ANGPT2: variants seen among roughly 807,000 people sequenced by gnomAD.
The protein encoded by ANGPT2 is angiopoietin 2.
ANGPT2 carries 28 observed loss-of-function variants against 62.9 expected under a neutral mutation model. The ratio of observed to expected loss-of-function variants is 0.44; its 90% confidence interval spans 0.33 to 0.61. The LOEUF (loss-of-function observed/expected upper bound fraction) is 0.61. ANGPT2 is among the 20% of genes least tolerant of loss of function. The pLI is 0.03. For missense variants in ANGPT2, 727 were observed against 594.9 expected (o/e 1.22, Z -2.31); for synonymous variants, 284 against 207.8 (o/e 1.37, Z -3.15).
intron 1 of ANGPT2, among the ~76,000 whole-genome samples, chr8:6,533,341 G>A (rs1819887823): frequency 6.6e-6 from 1 of 152,220 alleles, no homozygotes; most frequent in Non-Finnish European, 1.5e-5. Flanking sequence ...ATGTATAACT[G>A]CAAGACAACT....
intron 1 of ANGPT2, among the ~76,000 whole-genome samples, chr8:6,542,085 T>A (rs957182788): frequency 6.6e-6 from 1 of 152,002 alleles, no homozygotes; most frequent in South Asian, 2.1e-4. Flanking sequence ...AGGAATGAGA[T>A]TGATGCATTT....
chr8:6,545,749 G>C (rs1029602464), intron 1 of ANGPT2, among the ~76,000 whole-genome samples: 2 of 152,226 alleles, frequency 1.3e-5, no homozygotes, highest in African/African-American at 4.8e-5. Context: ...TTGGATTTCA[G>C]TGGCTTCAAG....
At chr8:6,531,562 A>G (rs2442603) in intron 2 of ANGPT2, among the ~76,000 whole-genome samples, 29,288 of 152,088 alleles carry the variant, frequency 0.19, 3,767 homozygotes, top group African/African-American at 0.37. Flanking sequence ...AAAGTGCTGG[A>G]ATTACAGGCG....
At chr8:6,560,588 C>T (rs184034014) in intron 1 of ANGPT2, among the ~76,000 whole-genome samples, 1 of 152,124 alleles carries the variant, frequency 6.6e-6, no homozygotes, top group African/African-American at 2.4e-5. Flanking sequence ...AGGTGTGGAG[C>T]CCGTGAAAAG....
In ANGPT2 at chr8:6,500,214, T is replaced by G. The variant is rs1811879822; in HGVS notation, c.*2887A>C. ...CAAAAATGAAAAAAGACTGAATTCT[T>G]GGGCAGGTAGTCTTATATCTTGCTT... On this transcript the variant is annotated 3_prime_UTR_variant, in exon 9 of 9. Coordinates refer to ENST00000629816, the MANE Select transcript of ANGPT2 (RefSeq NM_001118887.2). The G allele has an allele frequency of 2.4e-6, 1 of 416,282 alleles. No homozygotes were observed. The highest frequency in any genetic ancestry group is 5.1e-5 in the East Asian group (1 of 19,582). 25.8% of individuals were successfully genotyped at this position (416,282 alleles called of 1,614,324 possible).
intron 3 of ANGPT2, among the ~76,000 whole-genome samples, chr8:6,521,979 C>G (rs1306775513): frequency 6.6e-6 from 1 of 152,150 alleles, no homozygotes; most frequent in African/African-American, 2.4e-5. Flanking sequence ...ACTTAGTCAC[C>G]CTATGCGTTA....
At chr8:6,516,830 C>A (rs1483445979) in intron 5 of ANGPT2, among the ~76,000 whole-genome samples, 1 of 152,142 alleles carries the variant, frequency 6.6e-6, no homozygotes, top group Non-Finnish European at 1.5e-5. Flanking sequence ...AATACATGTT[C>A]TATCTTGTTC....
At chr8:6,518,436 G>A (rs926608736) in intron 5 of ANGPT2, among the ~76,000 whole-genome samples, 16 of 152,162 alleles carry the variant, frequency 1.1e-4, no homozygotes, top group African/African-American at 2.7e-4. Context: ...CTTCTAGGGC[G>A]TTAGGGACAT....
intron 1 of ANGPT2, among the ~76,000 whole-genome samples, chr8:6,535,189 T>A (rs1451921208): frequency 2.0e-5 from 3 of 152,218 alleles, no homozygotes; most frequent in Admixed American, 2.0e-4. Context: ...TCACTCTAAA[T>A]CATACAACCA....
Position 6,519,977 on chromosome 8 carries a change from C to A in ANGPT2, c.814G>T (p.Val272Phe). 6.2e-7 allele frequency: 1 copy of A among 1,614,022 alleles called. No homozygotes were observed. Among genetic ancestry groups the A allele is most frequent in the Non-Finnish European group, 8.5e-7 (1 of 1,179,930 alleles). ...AAGCTGATTTGTTCTTCTTTAGCAA[C>A]AGTGGGGTCCTTAGCTGCTTTTAAA... is the stretch of plus-strand genomic sequence containing the variant. ...MSTSNSKDPT[V>F]AKEEQISFRD... is the part of the protein sequence containing the mutation. The change falls in exon 5 of 9, where the codon GTT becomes TTT. Residue 272 changes from valine to phenylalanine, a missense_variant. By Grantham distance (50) the Val-to-Phe change is conservative (BLOSUM62 -1). Transcript: ENST00000629816.
intron 5 of ANGPT2, 69 bp from the exon 6 acceptor site, chr8:6,514,847 A>T: frequency 7.4e-7 from 1 of 1,354,778 alleles, no homozygotes; most frequent in Non-Finnish European, 1.0e-6. Context: ...CAGAAGCAGG[A>T]GGAATGTAGA....
intron 2 of ANGPT2, among the ~76,000 whole-genome samples, chr8:6,531,684 G>T (rs1046960161): frequency 7.9e-5 from 12 of 152,180 alleles, no homozygotes; most frequent in Non-Finnish European, 1.3e-4. Context: ...TCACTTGTCT[G>T]GCCCAACCCT....
chr8:6,550,834 C>G (rs975008138), intron 1 of ANGPT2, among the ~76,000 whole-genome samples: 1 of 152,114 alleles, frequency 6.6e-6, no homozygotes, highest in African/African-American at 2.4e-5. Context: ...AAGCACATGG[C>G]GTGCACCTGA....
Position 6,514,791 on chromosome 8 carries a change from A to G in ANGPT2, c.928-13T>C. On this transcript the variant is annotated splice_polypyrimidine_tract_variant and intron_variant, in intron 5 of 8. Transcript: ENST00000629816. ...TGTCACAGTAGGCCTGCAAACAGGA[A>G]TGCAGGGTATAAGTGACAGAGCCCC... 1 of 1,611,314 alleles carries G rather than the reference A, an allele frequency of 6.2e-7. No homozygotes were observed. Among genetic ancestry groups the G allele is most frequent in the Non-Finnish European group, 8.5e-7 (1 of 1,177,718 alleles).
intron 7 of ANGPT2, among the ~76,000 whole-genome samples, chr8:6,509,444 C>T (rs1814496358): frequency 6.6e-6 from 1 of 152,192 alleles, no homozygotes; most frequent in Non-Finnish European, 1.5e-5. Flanking sequence ...AACTGGACAA[C>T]CTCAAACATT....
chr8:6,540,913 C>G (rs1821432932), intron 1 of ANGPT2, among the ~76,000 whole-genome samples: 2 of 152,234 alleles, frequency 1.3e-5, no homozygotes, highest in African/African-American at 4.8e-5. Context: ...CCAAGGAGCC[C>G]TGGGACAGTG....
chr8:6,551,979 G>C (rs146759401), intron 1 of ANGPT2, among the ~76,000 whole-genome samples: 18 of 152,248 alleles, frequency 1.2e-4, no homozygotes, highest in African/African-American at 4.3e-4. Flanking sequence ...ACTATCTTCA[G>C]ACTAATGTTT....
intron 1 of ANGPT2, among the ~76,000 whole-genome samples, chr8:6,538,709 G>A (rs1238527263): frequency 1.3e-5 from 2 of 152,122 alleles, no homozygotes; most frequent in East Asian, 3.9e-4. Flanking sequence ...AAACCATTTT[G>A]TATTTGTGTC....
chr8:6,512,517 G>A (rs935105354), intron 7 of ANGPT2, among the ~76,000 whole-genome samples: 1 of 152,174 alleles, frequency 6.6e-6, no homozygotes, highest in African/African-American at 2.4e-5. Context: ...CCATGATCAC[G>A]AGGCGCCACC....
Sources: allele counts gnomAD v4.1 joint callset (sites outside exome capture counted in the v4.1 genomes callset), GRCh38; gene constraint gnomAD v4.1.1; transcripts MANE v1.5; gene names NCBI Gene and HGNC (gene_info 2026-07-23, HGNC 2026-07-21).